Variants in RORA observed in about 807,000 individuals in gnomAD.
RORA encodes the protein nuclear receptor ROR-alpha.
RORA carries 7 observed loss-of-function variants against 69.5 expected under a neutral mutation model. The ratio of observed to expected loss-of-function variants is 0.10; its 90% confidence interval spans 0.06 to 0.19. The LOEUF (loss-of-function observed/expected upper bound fraction) is 0.19. Ranked by LOEUF, RORA falls within the 10% of genes least tolerant of loss-of-function variation. The pLI is 1.00. For synonymous variants in RORA, 261 were observed against 240.8 expected (o/e 1.08, Z -0.78); for missense variants, 457 against 663.0 (o/e 0.69, Z 3.41).
chr15:60,848,552 G>A, intron 1 of RORA: 1 of 152,274 alleles, frequency 6.6e-6, no homozygotes, highest in East Asian at 1.9e-4. Context: ...ACCTGTGTTA[G>A]TCCTTTCTCA....
At chr15:60,782,695 C>A (rs2072281088) in intron 1 of RORA, among the ~76,000 whole-genome samples, 1 of 152,086 alleles carries the variant, frequency 6.6e-6, no homozygotes, top group Non-Finnish European at 1.5e-5. Flanking sequence ...TCAAATGTGG[C>A]CCTAAAACAT....
intron 3 of RORA, among the ~76,000 whole-genome samples, chr15:60,519,593 G>C (rs2066089773): frequency 6.6e-6 from 1 of 152,168 alleles, no homozygotes; most frequent in South Asian, 2.1e-4. Context: ...GAATAAAGTA[G>C]CAAGAGCAAT....
At chr15:60,791,511 T>G (rs1183927156) in intron 1 of RORA, among the ~76,000 whole-genome samples, 1 of 152,202 alleles carries the variant, frequency 6.6e-6, no homozygotes, top group Non-Finnish European at 1.5e-5. Flanking sequence ...CTGGGAGCAC[T>G]CCCAAGTTAG....
At chr15:60,592,574 C>T (rs1363846176) in intron 2 of RORA, 4 of 1,227,512 alleles carry the variant, frequency 3.3e-6, no homozygotes, top group South Asian at 6.3e-5. Context: ...TCCATGTGAC[C>T]GGCTGACATC....
intron 1 of RORA, among the ~76,000 whole-genome samples, chr15:60,958,170 G>C (rs1248889422): frequency 6.6e-6 from 1 of 152,148 alleles, no homozygotes; most frequent in Non-Finnish European, 1.5e-5. Flanking sequence ...GAAGATGTTT[G>C]ATATAAATAT....
At chr15:60,597,595 C>A (rs7173658) in intron 2 of RORA, among the ~76,000 whole-genome samples, 3 of 30,416 alleles carry the variant, frequency 9.9e-5, no homozygotes, top group African/African-American at 1.3e-4. Context: ...TATATATATA[C>A]ACATATATAT....
At chr15:60,736,519 G>A (rs1325408735) in intron 1 of RORA, among the ~76,000 whole-genome samples, 2 of 152,066 alleles carry the variant, frequency 1.3e-5, no homozygotes, top group Non-Finnish European at 2.9e-5. Flanking sequence ...TTGATATTCT[G>A]TTACCTGAAC....
chr15:61,151,771 C>T (rs1344115799), intron 1 of RORA, among the ~76,000 whole-genome samples: 1 of 152,196 alleles, frequency 6.6e-6, no homozygotes, highest in African/African-American at 2.4e-5. Flanking sequence ...CAAGCATGTA[C>T]TTTAAATTCA....
chr15:60,971,257 A>T (rs1010314485), intron 1 of RORA, among the ~76,000 whole-genome samples: 2 of 152,140 alleles, frequency 1.3e-5, no homozygotes, highest in African/African-American at 4.8e-5. Context: ...TTGTATCTCC[A>T]CTACTGCCTT....
intron 1 of RORA, chr15:60,765,587 A>T (rs1231642461): frequency 6.6e-6 from 1 of 152,130 alleles, no homozygotes; most frequent in Non-Finnish European, 1.5e-5. Flanking sequence ...GATTCGGATA[A>T]GGATAGTATT....
intron 1 of RORA, among the ~76,000 whole-genome samples, chr15:61,082,089 T>C (rs1420925300): frequency 6.6e-6 from 1 of 152,228 alleles, no homozygotes. Context: ...TGTAAAGTGC[T>C]GTACTTCTTA....
At chr15:61,193,475 C>T (rs2079819504) in intron 1 of RORA, among the ~76,000 whole-genome samples, 1 of 152,072 alleles carries the variant, frequency 6.6e-6, no homozygotes, top group African/African-American at 2.4e-5. Flanking sequence ...GAGGAACTGC[C>T]TGTGAATAGA....
chr15:60,523,050 C>CA (rs371105995), intron 3 of RORA, among the ~76,000 whole-genome samples: 36,976 of 148,204 alleles, frequency 0.25, 4,921 homozygotes, highest in Middle Eastern at 0.33. Flanking sequence ...AAAAAAAACA[C>CA]AAAAAAAAAA....
At chr15:60,570,353 G>A (rs34493442) in intron 2 of RORA, among the ~76,000 whole-genome samples, 8,033 of 152,050 alleles carry the variant, frequency 0.053, 697 homozygotes, top group African/African-American at 0.18. Flanking sequence ...TTTTTCAGAC[G>A]AGGTCTTGCT....
At chr15:60,998,998 G>C (rs1894660418) in intron 1 of RORA, among the ~76,000 whole-genome samples, 1 of 152,122 alleles carries the variant, frequency 6.6e-6, no homozygotes, top group African/African-American at 2.4e-5. Flanking sequence ...GGTTGCCAGG[G>C]GGAGAGGGGG....
Position 60,493,533 on chromosome 15 carries a change from T to C in RORA, c.*3922A>G, listed in dbSNP as rs1019139995. Reference sequence around the variant, plus strand: ...ATGTCGGAACACAACAACTAGCTATTCCTTAGTCTAAAACTAAAAACACAC... The same window carrying C: ...ATGTCGGAACACAACAACTAGCTATCCCTTAGTCTAAAACTAAAAACACAC... On this transcript the variant is annotated 3_prime_UTR_variant, in exon 11 of 11. Coordinates refer to ENST00000335670, the MANE Select transcript of RORA (RefSeq NM_134261.3). 6.6e-6 allele frequency: 1 copy of C among 152,138 alleles called. No homozygotes were observed. The highest frequency in any genetic ancestry group is 1.5e-5 in the Non-Finnish European group (1 of 68,022). 9.4% of individuals were successfully genotyped at this position (152,138 alleles called of 1,614,324 possible).
intron 1 of RORA, among the ~76,000 whole-genome samples, chr15:61,013,662 C>CTCCAGTT (rs1895167889): frequency 6.6e-6 from 1 of 151,886 alleles, no homozygotes; most frequent in Non-Finnish European, 1.5e-5. Context: ...TTTGGACTTG[C>CTCCAGTT]TCCAGTTTCT....
intron 2 of RORA, among the ~76,000 whole-genome samples, chr15:60,613,528 G>A (rs778191667): frequency 6.6e-5 from 10 of 151,966 alleles, no homozygotes; most frequent in South Asian, 2.1e-4. Flanking sequence ...ACCTTTCCAC[G>A]GGGTTGTTCT....
chr15:60,532,345 A>G (rs10851683), intron 2 of RORA, among the ~76,000 whole-genome samples: 5 of 152,312 alleles, frequency 3.3e-5, no homozygotes, highest in East Asian at 3.9e-4. Flanking sequence ...AGAATTCCTT[A>G]TCTTTTAAAA....
Sources: allele counts gnomAD v4.1 joint callset (sites outside exome capture counted in the v4.1 genomes callset), GRCh38; gene constraint gnomAD v4.1.1; transcripts MANE v1.5; gene names NCBI Gene and HGNC (gene_info 2026-07-23, HGNC 2026-07-21).